Variants in IQANK1 observed in about 807,000 individuals in gnomAD.
The protein encoded by IQANK1 is IQ motif and ankyrin repeat containing 1.
In IQANK1, 30 loss-of-function variants were observed where a neutral mutation model predicts 22.6. The ratio of observed to expected loss-of-function variants is 1.33; its 90% CI spans 0.99 to 1.80. The LOEUF is 1.80. IQANK1 is among the 40% of genes most tolerant of loss of function. The pLI, the probability that IQANK1 is intolerant of heterozygous loss-of-function variation, is 0.00. For synonymous variants in IQANK1, 122 were observed against 99.6 expected (o/e 1.23, Z -1.34); for missense variants, 275 against 235.2 (o/e 1.17, Z -1.11).
At chr8:143,784,881 T>G (rs910990433) in intron 7 of IQANK1, among the ~76,000 whole-genome samples, 2 of 152,242 alleles carry the variant, frequency 1.3e-5, no homozygotes, top group Non-Finnish European at 2.9e-5. Flanking sequence ...TCAGCACTAG[T>G]AACTTACCAC....
Position 143,790,224 on chromosome 8 carries a change from G to A in IQANK1, c.1377G>A (p.Glu459=). 8.1e-7 allele frequency: 1 copy of A among 1,232,190 alleles called. No individual in the cohort carries two copies. Among genetic ancestry groups the A allele is most frequent in the Non-Finnish European group, 1.0e-6 (1 of 988,028 alleles). The allele number at this position is 1,232,190 out of a possible 1,614,324, so 76.3% of individuals were successfully genotyped here. A position where few individuals can be genotyped will look rare whatever the true frequency, so the allele number is the denominator to read the frequency against. ...ACTATGTGGACACGGTGAACCCGGA[G>A]CCCCTGAGGCCGGAGACGATGTGGC... is the stretch of plus-strand genomic sequence containing the variant. The part of the protein sequence containing the change: ...DTNYVDTVNP[E]PLRPETMWLA... The change falls in exon 13 of 14, where the codon GAG becomes GAA. Residue 459 remains glutamate, a synonymous_variant. Transcript: ENST00000527139.
intron 3 of IQANK1, among the ~76,000 whole-genome samples, chr8:143,760,011 G>T (rs1020929743): frequency 6.6e-6 from 1 of 152,194 alleles, no homozygotes; most frequent in Non-Finnish European, 1.5e-5. Context: ...GACTACAGTT[G>T]CATGATCCCT....
chr8:143,775,324 G>T (rs77906655), intron 7 of IQANK1, among the ~76,000 whole-genome samples: 1 of 147,528 alleles, frequency 6.8e-6, no homozygotes, highest in East Asian at 2.0e-4. Context: ...TAGTTAAATT[G>T]CCAGGCATGC....
chr8:143,737,571 T>C (rs1554625825), intron 2 of IQANK1, among the ~76,000 whole-genome samples: 1 of 152,076 alleles, frequency 6.6e-6, no homozygotes, highest in African/African-American at 2.4e-5. Context: ...TCCACAGGCA[T>C]CCCTAGGTTG....
chr8:143,786,996 G>C (rs1819901610), intron 7 of IQANK1, among the ~76,000 whole-genome samples: 1 of 152,156 alleles, frequency 6.6e-6, no homozygotes, highest in South Asian at 2.1e-4. Context: ...CTTTATTCTG[G>C]TGGCACTTGG....
At chr8:143,752,265 C>T (rs886961676) in intron 3 of IQANK1, among the ~76,000 whole-genome samples, 1 of 152,296 alleles carries the variant, frequency 6.6e-6, no homozygotes, top group Middle Eastern at 3.4e-3. Context: ...CACACCCAGC[C>T]TTTCTTTTAG....
At chr8:143,768,880 A>T (rs1819525408) in intron 3 of IQANK1, among the ~76,000 whole-genome samples, 1 of 152,108 alleles carries the variant, frequency 6.6e-6, no homozygotes, top group Non-Finnish European at 1.5e-5. Flanking sequence ...AATGAAGATG[A>T]CTTTGACTGT....
rs1819335265 is a variant in IQANK1, at chr8:143,758,630, A to G, written c.176-12858A>G. On this transcript the variant is annotated intron_variant, in intron 3 of 13. Coordinates refer to ENST00000527139, the MANE Select transcript of IQANK1 (RefSeq NM_001381874.1). The surrounding 1 kb of genome is among the most constrained non-coding windows in gnomAD (Gnocchi z 4.2). ...ACATTATAATTTTCCCACTACTCCA[A>G]AGGAATCCAATAAATAATTTTACAG... 6.6e-6 allele frequency: 1 copy of G among 152,178 alleles called. No homozygotes were observed. The highest frequency in any genetic ancestry group is 1.5e-5 in the Non-Finnish European group (1 of 68,054). 9.4% of individuals were successfully genotyped at this position (152,178 alleles called of 1,614,324 possible).
chr8:143,748,806 TC>T (rs1563770427), intron 3 of IQANK1, among the ~76,000 whole-genome samples: 27 of 16,278 alleles, frequency 1.7e-3, no homozygotes, highest in African/African-American at 1.7e-3. Context: ...TAAATATATA[TC>T]ATATAAATAT....
At position 143,771,709 on chromosome 8, in the gene IQANK1, G is replaced by A. The variant is rs184835891; in HGVS notation, c.306+91G>A. 2,754 of 397,658 alleles carry A rather than the reference G, an allele frequency of 6.9e-3. 68 individuals carry two copies. Among genetic ancestry groups the A allele is most frequent in the African/African-American group, 0.05 (2,429 of 48,566 alleles). The allele number at this position is 397,658 out of a possible 1,614,324, so 24.6% of individuals were successfully genotyped here. A position where few individuals can be genotyped will look rare whatever the true frequency, so the allele number is the denominator to read the frequency against. The stretch of plus-strand genomic sequence containing the variant: ...GGGTGCGTGGTGGGGGTGAGGCTCA[G>A]ATCGGGCTCCGACCTCAGAGGCGTG... On this transcript the variant is annotated intron_variant, in intron 4 of 13. Coordinates refer to ENST00000527139, the MANE Select transcript of IQANK1 (RefSeq NM_001381874.1). This position sits in a 1 kb window ranked among gnomAD's most constrained non-coding sequence, Gnocchi z 6.0.
rs1368628007 is a variant in IQANK1, at chr8:143,771,692, G to A, written c.306+74G>A. 5.0e-6 allele frequency: 2 copies of A among 398,292 alleles called. No individual in the cohort carries two copies. Among genetic ancestry groups the A allele is most frequent in the Admixed American group, 4.4e-5 (1 of 22,688 alleles). 24.7% of individuals were successfully genotyped at this position (398,292 alleles called of 1,614,324 possible). ...GAGGAAATGGCGAAGCAGGGTGCGT[G>A]GTGGGGGTGAGGCTCAGATCGGGCT... On this transcript the variant is annotated intron_variant, in intron 4 of 13. Coordinates refer to ENST00000527139, the MANE Select transcript of IQANK1 (RefSeq NM_001381874.1). This position sits in a 1 kb window ranked among gnomAD's most constrained non-coding sequence, Gnocchi z 6.0.
At chr8:143,740,068 TTGTGCGCGCACGTGTGGGAGTGCGCG>T (rs1818862322) in intron 3 of IQANK1, 120 bp downstream of exon 3, 2 of 544,368 alleles carry the variant, frequency 3.7e-6, no homozygotes, top group Non-Finnish European at 6.5e-6. Context: ...ACACATGTGC[TTGTGCGCGCACGTGTGGGAGTGCGCG>T]TGTACGCGCA....
chr8:143,757,131 A>G (rs1554628551), intron 3 of IQANK1, among the ~76,000 whole-genome samples: 1 of 152,202 alleles, frequency 6.6e-6, no homozygotes. Flanking sequence ...ATTGGGACAC[A>G]AGGCTTAAGT....
chr8:143,790,290 C>T lies in IQANK1; in HGVS notation c.1424+19C>T. 1.6e-6 allele frequency: 2 copies of T among 1,232,008 alleles called. No individual in the cohort carries two copies. The highest frequency in any genetic ancestry group is 2.0e-6 in the Non-Finnish European group (2 of 987,962). 76.3% of individuals were successfully genotyped at this position (1,232,008 alleles called of 1,614,324 possible). ...CTCTGCGGTGAGGCAGGCAGGGTGACAGGTACACCCCACCCCACCTCCCTA... is the reference window on the plus strand; with the variant it reads ...CTCTGCGGTGAGGCAGGCAGGGTGATAGGTACACCCCACCCCACCTCCCTA... On this transcript the variant is annotated intron_variant, in intron 13 of 13. Transcript: ENST00000527139.
intron 7 of IQANK1, among the ~76,000 whole-genome samples, chr8:143,784,129 A>G (rs1327247550): frequency 6.6e-6 from 1 of 151,180 alleles, no homozygotes; most frequent in African/African-American, 2.4e-5. Flanking sequence ...TAGCCTCTAC[A>G]TTTCTGTATC....
In IQANK1 at chr8:143,742,183, C is replaced by T. The variant is rs1279035416; in HGVS notation, c.175+2235C>T. On this transcript the variant is annotated intron_variant, in intron 3 of 13. Transcript: ENST00000527139. ...CCAGCTGTCCGCATCACCACTGTCCCGGGCTCGTTCACTTCAGGCCCTGGA... is the reference window on the plus strand; with the variant it reads ...CCAGCTGTCCGCATCACCACTGTCCTGGGCTCGTTCACTTCAGGCCCTGGA... The T allele has an allele frequency of 3.1e-5, 11 of 359,640 alleles. 1 individual carries two copies. The highest frequency in any genetic ancestry group is 1.2e-4 in the South Asian group (6 of 49,586). The allele number at this position is 359,640 out of a possible 1,614,324, so 22.3% of individuals were successfully genotyped here.
chr8:143,770,927 C>G (rs921058645), intron 3 of IQANK1, among the ~76,000 whole-genome samples: 2 of 152,262 alleles, frequency 1.3e-5, no homozygotes, highest in Non-Finnish European at 2.9e-5. Context: ...TCCGCCCCCT[C>G]CTCACTGCGA....
intron 3 of IQANK1, among the ~76,000 whole-genome samples, chr8:143,763,165 G>A (rs1008935378): frequency 1.3e-5 from 2 of 151,948 alleles, no homozygotes; most frequent in African/African-American, 4.8e-5. Flanking sequence ...ACAGGCGCCC[G>A]CCACCACGCC....
intron 3 of IQANK1, among the ~76,000 whole-genome samples, chr8:143,754,546 T>C (rs1554628347): frequency 6.6e-6 from 1 of 152,206 alleles, no homozygotes; most frequent in African/African-American, 2.4e-5. Flanking sequence ...GCCTAGGACA[T>C]CTTGCAACAT....
Sources: allele counts gnomAD v4.1 joint callset (sites outside exome capture counted in the v4.1 genomes callset), GRCh38; gene constraint gnomAD v4.1.1; non-coding constraint Gnocchi (gnomAD v3.1); transcripts MANE v1.5; gene names NCBI Gene and HGNC (gene_info 2026-07-23, HGNC 2026-07-21).